The following TANGO2 variants were observed in gnomAD, a reference collection of about 807,000 sequenced individuals.
TANGO2 encodes the protein transport and Golgi organization protein 2 homolog.
TANGO2 carries 26 observed loss-of-function variants against 39.1 expected under a neutral mutation model. The observed-to-expected ratio is 0.67, with a 90% CI of 0.49 to 0.92. TANGO2 has a LOEUF of 0.92. TANGO2 is among the 40% of genes least tolerant of loss of function. The pLI is 0.00. For synonymous variants in TANGO2, 131 were observed against 144.5 expected (o/e 0.91, Z 0.67); for missense variants, 326 against 360.1 (o/e 0.91, Z 0.77).
intron 3 of TANGO2, among the ~76,000 whole-genome samples, chr22:20,047,123 A>G (rs1602146464): frequency 1.3e-5 from 2 of 152,174 alleles, no homozygotes; most frequent in African/African-American, 4.8e-5. Context: ...GCTAGAACTC[A>G]TCACTGTGAG....
In TANGO2 at chr22:20,066,535, T is replaced by C; in HGVS notation, c.*1873T>C. 6.6e-6 allele frequency: 1 copy of C among 152,368 alleles called. No individual in the cohort carries two copies. The highest frequency in any genetic ancestry group is 1.5e-5 in the Non-Finnish European group (1 of 68,136). 9.4% of individuals were successfully genotyped at this position (152,368 alleles called of 1,614,324 possible). A position where few individuals can be genotyped will look rare whatever the true frequency, so the allele number is the denominator to read the frequency against. On this transcript the variant is annotated 3_prime_UTR_variant, in exon 9 of 9. Transcript: ENST00000327374. Reference sequence around the variant, plus strand: ...CAGGGGCCTCCCCGTCTCTTCCCCTTCTTGCCCAGACCACTTTGCTGGGCT... The same window carrying C: ...CAGGGGCCTCCCCGTCTCTTCCCCTCCTTGCCCAGACCACTTTGCTGGGCT...
At chr22:20,058,030 T>TA (rs695597) in intron 6 of TANGO2, 41,903 of 150,272 alleles carry the variant, frequency 0.28, 6,641 homozygotes, top group East Asian at 0.66. Flanking sequence ...ACATTGCCTT[T>TA]TTTTTTTTGA....
intron 2 of TANGO2, among the ~76,000 whole-genome samples, chr22:20,042,672 G>A (rs1419988334): frequency 1.4e-4 from 22 of 152,150 alleles, no homozygotes; most frequent in Admixed American, 1.4e-3. Context: ...GGCTGAGGCG[G>A]GAGAATAGCT....
rs1223414540 is a variant in TANGO2 at position 20,055,999 on chromosome 22, T to C, written c.437T>C (p.Ile146Thr). The change falls in exon 6 of 9, where the codon ATC (isoleucine) becomes ACC (threonine). Residue 146 changes from isoleucine (I) to threonine (T), a missense_variant. Physicochemically the swap from Ile to Thr is moderately conservative, Grantham distance 89. Transcript: ENST00000327374. ...GGGAACCGAGGGGAGCCTGATCCTA[T>C]CGTTTTGACGCCAGGTGAGCCTGCC... The part of the protein sequence containing the change: ...YYGNRGEPDP[I>T]VLTPGTYGLS... The C allele has an allele frequency of 1.2e-6, 2 of 1,613,924 alleles. No homozygotes were observed. Among genetic ancestry groups the C allele is most frequent in the Non-Finnish European group, 1.7e-6 (2 of 1,179,870 alleles).
chr22:20,060,490 C>A (rs1361124951), intron 6 of TANGO2, among the ~76,000 whole-genome samples: 1 of 152,106 alleles, frequency 6.6e-6, no homozygotes, highest in Non-Finnish European at 1.5e-5. Context: ...GTCTTGAACT[C>A]CTGGGCTCCA....
At chr22:20,051,540 A>G (rs1039413030) in intron 3 of TANGO2, among the ~76,000 whole-genome samples, 31 of 151,606 alleles carry the variant, frequency 2.0e-4, no homozygotes, top group Non-Finnish European at 2.9e-4. Context: ...TCAAAAAGTA[A>G]TAATAACAAT....
intron 1 of TANGO2, among the ~76,000 whole-genome samples, chr22:20,035,715 G>C (rs951786682): frequency 1.9e-4 from 29 of 152,340 alleles, no homozygotes; most frequent in African/African-American, 7.0e-4. Flanking sequence ...CTGCATCCCA[G>C]GTGAGTGGGC....
Position 20,065,682 on chromosome 22 carries a change from A to G in TANGO2, c.*1020A>G, listed in dbSNP as rs2049119250. 6.6e-6 allele frequency: 1 copy of G among 152,356 alleles called. No homozygotes were observed. Among genetic ancestry groups the G allele is most frequent in the South Asian group, 2.1e-4 (1 of 4,832 alleles). The allele number at this position is 152,356 out of a possible 1,614,324, so 9.4% of individuals were successfully genotyped here. On this transcript the variant is annotated 3_prime_UTR_variant, in exon 9 of 9. Transcript: ENST00000327374. Reference sequence around the variant, plus strand: ...AACAGAAGTGCAGACTCATTGCTAGATTCAGTGCCCTTGAGTGTGCCAGAG... The same window carrying G: ...AACAGAAGTGCAGACTCATTGCTAGGTTCAGTGCCCTTGAGTGTGCCAGAG...
At chr22:20,032,894 T>C (rs1316349980) in intron 1 of TANGO2, among the ~76,000 whole-genome samples, 1 of 152,190 alleles carries the variant, frequency 6.6e-6, no homozygotes, top group Non-Finnish European at 1.5e-5. Flanking sequence ...ACAAGGACTA[T>C]ATCCATGGCT....
Position 20,064,993 on chromosome 22 carries a change from A to G in TANGO2, c.*331A>G, listed in dbSNP as rs2049030681. The G allele has an allele frequency of 6.8e-6, 2 of 292,156 alleles. No homozygotes were observed. The highest frequency in any genetic ancestry group is 1.4e-4 in the East Asian group (2 of 14,288). 18.1% of individuals were successfully genotyped at this position (292,156 alleles called of 1,614,324 possible). On this transcript the variant is annotated 3_prime_UTR_variant, in exon 9 of 9. Transcript: ENST00000327374. ...ACACATACACTCCTGCGTGTGCACA[A>G]GCACACACATGCAAGCCATATACAT...
intron 1 of TANGO2, among the ~76,000 whole-genome samples, chr22:20,032,417 A>G (rs1433002105): frequency 6.6e-6 from 1 of 152,224 alleles, no homozygotes; most frequent in Non-Finnish European, 1.5e-5. Flanking sequence ...AGATGTTCAG[A>G]TGCTTCTGGG....
intron 1 of TANGO2, among the ~76,000 whole-genome samples, chr22:20,026,322 C>A (rs542662159): frequency 3.3e-4 from 50 of 152,192 alleles, no homozygotes; most frequent in African/African-American, 1.1e-3. Flanking sequence ...TGCTTGAACC[C>A]AGCAGGTGGA....
chr22:20,018,358 T>C (rs1945351266), upstream of TANGO2, among the ~76,000 whole-genome samples: 2 of 152,310 alleles, frequency 1.3e-5, no homozygotes, highest in Middle Eastern at 3.4e-3. Flanking sequence ...AGCAGCACCA[T>C]GGTGACATTC....
At position 20,050,357 on chromosome 22, in the gene TANGO2, G is replaced by GTTTTTTTTTTTT. The variant is rs1491540119; in HGVS notation, c.146-2108_146-2107insTTTTTTTTTTTT. Among the ~76,000 whole-genome samples, 4 of 69,204 alleles carry GTTTTTTTTTTTT rather than the reference G, an allele frequency of 5.8e-5. 2 individuals carry two copies. The highest frequency in any genetic ancestry group is 5.3e-5 in the Non-Finnish European group (2 of 37,892). 45.4% of individuals were successfully genotyped at this position (69,204 alleles called of 152,430 possible). On this transcript the variant is annotated intron_variant, in intron 3 of 8. Transcript: ENST00000327374. ...ATTTTTCATTAAATATTTTCCTGGT[G>GTTTTTTTTTTTT]GTTTTTTTTTTTTTTTTTTTTTTTG...
intron 3 of TANGO2, among the ~76,000 whole-genome samples, chr22:20,045,369 G>A (rs1442648059): frequency 1.3e-5 from 2 of 151,964 alleles, no homozygotes; most frequent in Non-Finnish European, 2.9e-5. Flanking sequence ...AGCCTGGAAG[G>A]TAGAAGCTGC....
At chr22:20,047,661 C>T (rs923882214) in intron 3 of TANGO2, among the ~76,000 whole-genome samples, 13 of 152,124 alleles carry the variant, frequency 8.5e-5, no homozygotes, top group Non-Finnish European at 1.8e-4. Context: ...CTGCTGAATT[C>T]GGCCTGGTCC....
At chr22:20,018,132 A>C (rs1945332454), upstream of TANGO2, among the ~76,000 whole-genome samples, 1 of 152,252 alleles carries the variant, frequency 6.6e-6, no homozygotes, top group African/African-American at 2.4e-5. Context: ...CACTGCTGGG[A>C]CCACCGCTGG....
chr22:20,028,423 C>T (rs747035718), intron 1 of TANGO2, among the ~76,000 whole-genome samples: 1 of 152,188 alleles, frequency 6.6e-6, no homozygotes, highest in Non-Finnish European at 1.5e-5. Context: ...GGGCTTTGGC[C>T]CGTTAAATGT....
Position 20,043,393 on chromosome 22 carries a change from G to C in TANGO2, c.95G>C (p.Arg32Pro), listed in dbSNP as rs896249235. The C allele has an allele frequency of 2.5e-6, 4 of 1,613,506 alleles. No individual in the cohort carries two copies. The highest frequency in any genetic ancestry group is 3.4e-6 in the Non-Finnish European group (4 of 1,179,646). ...LAANRDEFYS[R>P]PSKLADFWGN... ...GCCAACAGGGATGAATTCTACAGCC[G>C]ACCCTCCAAGTTAGCTGACTTCTGG... The change falls in exon 3 of 9, where the codon CGA becomes CCA. Residue 32 changes from arginine (R) to proline (P), a missense_variant. Coordinates refer to ENST00000327374, the MANE Select transcript of TANGO2 (RefSeq NM_152906.7).
Sources: allele counts gnomAD v4.1 joint callset (sites outside exome capture counted in the v4.1 genomes callset), GRCh38; gene constraint gnomAD v4.1.1; transcripts MANE v1.5; gene names NCBI Gene and HGNC (gene_info 2026-07-23, HGNC 2026-07-21).